Variants in GRM5 observed in about 807,000 individuals in gnomAD.
GRM5 encodes glutamate metabotropic receptor 5.
Under a neutral mutation model 83.1 loss-of-function variants are expected in GRM5, and 19 were observed. The ratio of observed to expected loss-of-function variants is 0.23; its 90% CI spans 0.16 to 0.34. GRM5 has a LOEUF of 0.34. Among genes scored for constraint, GRM5 ranks in the 10% least tolerant of loss-of-function variants. GRM5 has a pLI of 1.00. For missense variants in GRM5, 1,160 were observed against 1,588.3 expected, an observed-to-expected ratio of 0.73 and a Z score of 4.58; for synonymous variants, 675 against 633.6, an observed-to-expected ratio of 1.07 and a Z score of -0.98.
chr11:88,830,191 T>C (rs12290703), intron 3 of GRM5, among the ~76,000 whole-genome samples: 3,879 of 152,130 alleles, frequency 0.025, 174 homozygotes, highest in African/African-American at 0.089. Context: ...TGAATGGACA[T>C]ATTGCAAAGC....
At chr11:88,719,058 T>C (rs954167978) in intron 3 of GRM5, among the ~76,000 whole-genome samples, 3 of 150,988 alleles carry the variant, frequency 2.0e-5, no homozygotes, top group Admixed American at 6.7e-5. Flanking sequence ...TATTATCATC[T>C]GACATACTTT....
chr11:88,823,434 C>T (rs74423211), intron 3 of GRM5, among the ~76,000 whole-genome samples: 3,862 of 151,744 alleles, frequency 0.025, 171 homozygotes, highest in African/African-American at 0.089. Flanking sequence ...TTTAAGTTTA[C>T]TGGTTTTGTG....
At chr11:88,849,143 G>GTATATATATA (rs148621029) in intron 3 of GRM5, among the ~76,000 whole-genome samples, 3 of 150,170 alleles carry the variant, frequency 2.0e-5, no homozygotes, top group African/African-American at 7.3e-5. Flanking sequence ...TATCATATGT[G>GTATATATATA]TATATATATA....
At chr11:88,601,328 C>A (rs1391355014) in intron 5 of GRM5, among the ~76,000 whole-genome samples, 1 of 152,058 alleles carries the variant, frequency 6.6e-6, no homozygotes, top group East Asian at 1.9e-4. Context: ...TTCTATTTAC[C>A]GCATCTGTTT....
chr11:88,821,413 T>C (rs1943792793), intron 3 of GRM5, among the ~76,000 whole-genome samples: 1 of 133,450 alleles, frequency 7.5e-6, no homozygotes, highest in Non-Finnish European at 1.6e-5. Flanking sequence ...GGAGGAAGGG[T>C]CATAGTTCCA....
At position 88,859,174 on chromosome 11, in the gene GRM5, G is replaced by A. The variant is rs576747809; in HGVS notation, c.662-9019C>T. On this transcript the variant is annotated intron_variant, in intron 2 of 9. Transcript: ENST00000305447. Reference sequence around the variant, plus strand: ...CATAGTAGAAGATATATAGGAGTAGGCTTGTGTGAATGGGAGTAAAAAAAG... The same window carrying A: ...CATAGTAGAAGATATATAGGAGTAGACTTGTGTGAATGGGAGTAAAAAAAG... Among the ~76,000 whole-genome samples the A allele has an allele frequency of 7.9e-5, 12 of 152,134 alleles. No homozygotes were observed. In the South Asian group the frequency reaches 2.5e-3, roughly 32 times the overall value.
chr11:88,823,321 T>G (rs2135511727), intron 3 of GRM5, among the ~76,000 whole-genome samples: 1 of 151,778 alleles, frequency 6.6e-6, no homozygotes, highest in African/African-American at 2.4e-5. Context: ...AAGCATTTCC[T>G]GCCACTTTTA....
chr11:88,789,636 T>C (rs1428095118), intron 3 of GRM5, among the ~76,000 whole-genome samples: 3 of 152,150 alleles, frequency 2.0e-5, no homozygotes, highest in African/African-American at 4.8e-5. Flanking sequence ...TGTGGTACCA[T>C]ATTAAAAATG....
chr11:88,606,117 T>C (rs562533039), intron 4 of GRM5, among the ~76,000 whole-genome samples: 1 of 152,168 alleles, frequency 6.6e-6, no homozygotes, highest in African/African-American at 2.4e-5. Context: ...TAGAGCATGC[T>C]ATGTTTGGGA....
chr11:88,768,114 C>G (rs913334397), intron 3 of GRM5, among the ~76,000 whole-genome samples: 1 of 151,842 alleles, frequency 6.6e-6, no homozygotes, highest in Non-Finnish European at 1.5e-5. Context: ...ACGTTGAAAA[C>G]AAGGTATCAA....
Position 88,597,256 on chromosome 11 carries a change from A to G in GRM5, c.1491T>C (p.Asp497=). Residue 497 remains aspartate (D), a synonymous_variant, in exon 6 of 10, where the codon GAT becomes GAC. Coordinates refer to ENST00000305447, the MANE Select transcript of GRM5 (RefSeq NM_001143831.3). ...TGTTGCTTTTCTTGGACCATACTTC[A>G]TCATCATCCATTTTTAATTCTCCAT... ...WDNGELKMDD[D]EVWSKKSNII... The G allele has an allele frequency of 6.2e-7, 1 of 1,606,606 alleles. No individual in the cohort carries two copies. Among genetic ancestry groups the G allele is most frequent in the East Asian group, 2.2e-5 (1 of 44,778 alleles).
chr11:88,813,054 G>A (rs930246737), intron 3 of GRM5, among the ~76,000 whole-genome samples: 24 of 152,014 alleles, frequency 1.6e-4, no homozygotes, highest in Admixed American at 3.3e-4. Flanking sequence ...TTTTAACTCC[G>A]GGGAAGATTA....
intron 2 of GRM5, among the ~76,000 whole-genome samples, chr11:88,872,786 T>C (rs762829512): frequency 2.7e-5 from 4 of 150,652 alleles, no homozygotes; most frequent in Non-Finnish European, 5.9e-5. Flanking sequence ...AAAGAACAAA[T>C]GTAAAAGAAG....
intron 2 of GRM5, among the ~76,000 whole-genome samples, chr11:88,928,223 G>A (rs764158351): frequency 6.6e-6 from 1 of 151,954 alleles, no homozygotes; most frequent in Non-Finnish European, 1.5e-5. Flanking sequence ...CAACATTTAG[G>A]AATTCTGGGT....
At chr11:88,737,199 T>A (rs981200579) in intron 3 of GRM5, among the ~76,000 whole-genome samples, 25 of 152,054 alleles carry the variant, frequency 1.6e-4, no homozygotes, top group African/African-American at 6.0e-4. Flanking sequence ...CTTCTTATGC[T>A]CAGACACAGA....
intron 3 of GRM5, among the ~76,000 whole-genome samples, chr11:88,671,429 C>T (rs1940190379): frequency 6.6e-6 from 1 of 152,130 alleles, no homozygotes; most frequent in African/African-American, 2.4e-5. Flanking sequence ...CTGTCTTTAA[C>T]TGCCAGCTGC....
chr11:88,597,441 C>T (rs1189314362), intron 5 of GRM5, 89 bp from the exon 6 acceptor site: 6 of 675,464 alleles, frequency 8.9e-6, no homozygotes, highest in Non-Finnish European at 1.5e-5. Flanking sequence ...AAAAATGTGT[C>T]TATTGTCATA....
At chr11:88,558,596 G>T (rs1471653212) in intron 8 of GRM5, among the ~76,000 whole-genome samples, 1 of 151,906 alleles carries the variant, frequency 6.6e-6, no homozygotes, top group African/African-American at 2.4e-5. Context: ...GAGGTCAAGA[G>T]ATCGAGACCA....
At position 88,876,455 on chromosome 11, in the gene GRM5, T is replaced by C. The variant is rs192008904; in HGVS notation, c.662-26300A>G. On this transcript the variant is annotated intron_variant, in intron 2 of 9. Transcript: ENST00000305447. ...ATAAGGCTATATCAGATTCTTATAA[T>C]TTGTGTGTTCACTGGAGTAGCATTT... is the stretch of plus-strand genomic sequence containing the variant. 5.2e-4 allele frequency among the ~76,000 whole-genome samples: 79 copies of C among 152,250 alleles called. No homozygotes were observed. In the South Asian group the frequency reaches 9.3e-3, roughly 18 times the overall value.
Sources: gnomAD v4.1 joint callset for allele counts (sites outside exome capture counted in the v4.1 genomes callset) on GRCh38, gnomAD v4.1.1 for gene constraint, MANE v1.5 for transcripts, NCBI Gene and HGNC (gene_info 2026-07-23, HGNC 2026-07-21) for gene names.